The following C5orf63 variants were observed in gnomAD, a reference collection of about 807,000 sequenced individuals.
The protein encoded by C5orf63 is glutaredoxin-like protein C5orf63.
Under a neutral mutation model 13.3 loss-of-function variants are expected in C5orf63, and 18 were observed. That is an observed-to-expected ratio of 1.36 (90% CI 0.94 to 2.01). C5orf63 has a LOEUF of 2.01. Ranked by LOEUF, C5orf63 falls within the 30% of genes most tolerant of loss-of-function variation. The pLI is 0.00. For synonymous variants in C5orf63, 38 were observed against 44.7 expected, an observed-to-expected ratio of 0.85 and a Z score of 0.60; for missense variants, 118 against 127.7, an observed-to-expected ratio of 0.92 and a Z score of 0.36.
chr5:127,067,447 C>T (rs1321623566), intron 2 of C5orf63, among the ~76,000 whole-genome samples: 1 of 152,110 alleles, frequency 6.6e-6, no homozygotes, highest in Non-Finnish European at 1.5e-5. Context: ...AGTTTTCTCA[C>T]AAATATTATT....
intron 2 of C5orf63, among the ~76,000 whole-genome samples, chr5:127,059,749 A>T (rs1479899076): frequency 6.6e-6 from 1 of 151,876 alleles, no homozygotes; most frequent in East Asian, 1.9e-4. Flanking sequence ...AAAAAGAAAA[A>T]GAAAAAGAAA....
At chr5:127,068,515 A>T (rs1482367108) in intron 2 of C5orf63, among the ~76,000 whole-genome samples, 1 of 152,170 alleles carries the variant, frequency 6.6e-6, no homozygotes, top group Non-Finnish European at 1.5e-5. Context: ...CTCCCTACAA[A>T]GAAAAAATAA....
At chr5:127,058,493 G>C (rs1753971679) in intron 3 of C5orf63, among the ~76,000 whole-genome samples, 1 of 152,118 alleles carries the variant, frequency 6.6e-6, no homozygotes, top group South Asian at 2.1e-4. Flanking sequence ...TATGACCAGA[G>C]ACTCATAGGA....
chr5:127,061,092 A>G (rs544823105), intron 2 of C5orf63, among the ~76,000 whole-genome samples: 6 of 152,230 alleles, frequency 3.9e-5, no homozygotes, highest in South Asian at 4.2e-4. Flanking sequence ...AGCAGTCACT[A>G]TTTGGGCCTA....
chr5:127,060,520 T>G (rs1053415601), intron 2 of C5orf63, among the ~76,000 whole-genome samples: 1 of 152,228 alleles, frequency 6.6e-6, no homozygotes, highest in Non-Finnish European at 1.5e-5. Context: ...TAAAAACACA[T>G]GTGCACTATT....
chr5:127,048,591 G>A (rs1355287476), downstream of C5orf63, among the ~76,000 whole-genome samples: 1 of 151,936 alleles, frequency 6.6e-6, no homozygotes. Context: ...TCCTCCACAT[G>A]ATCTAGTATT....
intron 3 of C5orf63, among the ~76,000 whole-genome samples, chr5:127,057,134 T>C (rs1313899139): frequency 6.6e-6 from 1 of 152,228 alleles, no homozygotes; most frequent in Non-Finnish European, 1.5e-5. Flanking sequence ...CATCATAGAC[T>C]CTCAGATGAT....
intron 1 of C5orf63, 68 bp downstream of exon 1, chr5:127,073,383 C>G (rs1580538907): frequency 6.6e-6 from 1 of 152,326 alleles, no homozygotes; most frequent in African/African-American, 2.4e-5. Context: ...CCCCCGCCAG[C>G]CTGCGCGTCA....
chr5:127,059,320 C>T (rs945146023), intron 2 of C5orf63, among the ~76,000 whole-genome samples: 6 of 152,210 alleles, frequency 3.9e-5, no homozygotes, highest in South Asian at 2.1e-4. Context: ...CAGATTTTGC[C>T]GGCATCTTGA....
intron 2 of C5orf63, among the ~76,000 whole-genome samples, chr5:127,065,320 A>G (rs1360714935): frequency 2.6e-5 from 4 of 152,262 alleles, no homozygotes; most frequent in Admixed American, 2.6e-4. Context: ...CAGGTAAATT[A>G]GAAATACAGG....
chr5:127,068,564 T>C (rs1754412376), intron 2 of C5orf63, among the ~76,000 whole-genome samples: 1 of 152,206 alleles, frequency 6.6e-6, no homozygotes, highest in South Asian at 2.1e-4. Flanking sequence ...ATTTTAAAGA[T>C]GATTTTAAAT....
intron 2 of C5orf63, among the ~76,000 whole-genome samples, chr5:127,064,087 C>A (rs1026292661): frequency 2.0e-5 from 3 of 152,132 alleles, no homozygotes; most frequent in Non-Finnish European, 4.4e-5. Context: ...CCAAACCTCT[C>A]ACTCTCCCAA....
chr5:127,056,377 A>T (rs1322509550), intron 3 of C5orf63: 1 of 152,458 alleles, frequency 6.6e-6, no homozygotes, highest in Admixed American at 6.5e-5. Flanking sequence ...TTATGAAAGA[A>T]AGAGGTTTAT....
At chr5:127,046,082 T>C (rs760866277) in exon 5 of C5orf63, 2 of 152,252 alleles carry the variant, frequency 1.3e-5, no homozygotes, top group African/African-American at 2.4e-5. Flanking sequence ...CCATACTCAG[T>C]GGGCTCTCAA....
intron 2 of C5orf63, among the ~76,000 whole-genome samples, chr5:127,060,531 G>C (rs1754063451): frequency 6.6e-6 from 1 of 152,098 alleles, no homozygotes. Context: ...GTGCACTATT[G>C]GCTTCATCAT....
downstream of C5orf63, among the ~76,000 whole-genome samples, chr5:127,049,352 C>T (rs1240825489): frequency 6.6e-6 from 1 of 152,168 alleles, no homozygotes; most frequent in African/African-American, 2.4e-5. Flanking sequence ...TATGCTGTGT[C>T]CTTCCACACC....
At chr5:127,047,906 T>C (rs1157896711), downstream of C5orf63, 9 of 692,986 alleles carry the variant, frequency 1.3e-5, no homozygotes, top group Admixed American at 6.2e-5. Context: ...TTCTGATCCT[T>C]GTAGGGTTGC....
downstream of C5orf63, among the ~76,000 whole-genome samples, chr5:127,048,748 G>A (rs902891508): frequency 2.0e-4 from 30 of 152,158 alleles, no homozygotes; most frequent in African/African-American, 6.3e-4. Context: ...TGCACTTCCT[G>A]CACACTATAA....
intron 3 of C5orf63, among the ~76,000 whole-genome samples, chr5:127,057,526 G>A (rs1465079960): frequency 6.6e-6 from 1 of 152,170 alleles, no homozygotes; most frequent in African/African-American, 2.4e-5. Flanking sequence ...ACTAGTGTTA[G>A]GGATAAGAAA....
Sources: gnomAD v4.1 joint callset for allele counts (sites outside exome capture counted in the v4.1 genomes callset) on GRCh38, gnomAD v4.1.1 for gene constraint, MANE v1.5 for transcripts, NCBI Gene and HGNC (gene_info 2026-07-23, HGNC 2026-07-21) for gene names.